USH2A: variants seen among roughly 807,000 people sequenced by gnomAD.
USH2A encodes Usher syndrome 2A (autosomal recessive, mild).
In USH2A, 443 loss-of-function variants were observed where a neutral mutation model predicts 538.9. That is an observed-to-expected ratio of 0.82 (90% CI 0.76 to 0.89). The LOEUF is 0.89. USH2A is among the 40% of genes least tolerant of loss of function. The pLI is 0.00. For synonymous variants in USH2A, 2,413 were observed against 2,273.5 expected, an observed-to-expected ratio of 1.06 and a Z score of -1.75; for missense variants, 6,633 against 6,324.8, an observed-to-expected ratio of 1.05 and a Z score of -1.65.
At chr1:216,178,786 T>C (rs1056004442) in intron 20 of USH2A, among the ~76,000 whole-genome samples, 8 of 152,258 alleles carry the variant, frequency 5.3e-5, no homozygotes, top group African/African-American at 9.6e-5. Context: ...AATAAGACTA[T>C]TGAGCACTTG....
intron 41 of USH2A, among the ~76,000 whole-genome samples, chr1:215,884,956 G>A (rs1246482725): frequency 6.6e-6 from 1 of 152,110 alleles, no homozygotes; most frequent in Non-Finnish European, 1.5e-5. Flanking sequence ...TGCTTCACCT[G>A]TGAAAAAGTG....
Position 215,993,105 on chromosome 1 carries a change from T to C in USH2A, c.6720A>G (p.Ile2240Met). 6.2e-7 allele frequency: 1 copy of C among 1,614,020 alleles called. No homozygotes were observed. Among genetic ancestry groups the C allele is most frequent in the Non-Finnish European group, 8.5e-7 (1 of 1,179,982 alleles). The change falls in exon 35 of 72, where the codon ATA becomes ATG. Residue 2240 changes from isoleucine to methionine, a missense_variant. Coordinates refer to ENST00000307340, the MANE Select transcript of USH2A (RefSeq NM_206933.4). ...EASEALTDEDIPEGVPAPKAH... is the reference protein window; with the variant it reads ...EASEALTDEDMPEGVPAPKAH... ...CTTTGGGGGCTGGCACGCCTTCGGG[T>C]ATGTCCTCGTCAGTTAGGGCCTCAC... is the stretch of plus-strand genomic sequence containing the variant.
chr1:215,993,348 A>T (rs1668050582), intron 34 of USH2A, among the ~76,000 whole-genome samples, 181 bp from the exon 35 acceptor site: 1 of 152,220 alleles, frequency 6.6e-6, no homozygotes, highest in Admixed American at 6.5e-5. Context: ...TTTTTAAGAC[A>T]TAAGATAGCC....
intron 4 of USH2A, among the ~76,000 whole-genome samples, chr1:216,329,201 A>C (rs11803923): frequency 0.28 from 41,937 of 152,144 alleles, 6,093 homozygotes; most frequent in African/African-American, 0.37. Context: ...AATCTTTAGA[A>C]GATTTCCAAC....
chr1:215,888,369 G>C (rs536323970), intron 41 of USH2A, 57 bp downstream of exon 41: 1 of 1,606,942 alleles, frequency 6.2e-7, no homozygotes, highest in Admixed American at 1.7e-5. Flanking sequence ...TCAACACAGA[G>C]TCAATCCAGG....
At chr1:216,294,391 G>A (rs1182719818) in intron 9 of USH2A, among the ~76,000 whole-genome samples, 3 of 151,796 alleles carry the variant, frequency 2.0e-5, no homozygotes, top group African/African-American at 4.8e-5. Flanking sequence ...ATATACATGG[G>A]TATTGTGTTA....
intron 50 of USH2A, among the ~76,000 whole-genome samples, chr1:215,790,775 T>G (rs1661959991): frequency 6.6e-6 from 1 of 152,232 alleles, no homozygotes; most frequent in Admixed American, 6.5e-5. Context: ...AAGTTTTGGC[T>G]TAGCTTTATT....
At chr1:215,960,876 T>C (rs1350363803) in intron 37 of USH2A, among the ~76,000 whole-genome samples, 2 of 152,078 alleles carry the variant, frequency 1.3e-5, no homozygotes, top group South Asian at 4.1e-4. Flanking sequence ...CTGTTCCACT[T>C]GTCACACCAT....
chr1:216,255,921 T>C (rs1329434003), intron 11 of USH2A, among the ~76,000 whole-genome samples: 4 of 152,188 alleles, frequency 2.6e-5, no homozygotes, highest in Admixed American at 6.6e-5. Context: ...GGTACAGAAA[T>C]ATTAAGAATT....
chr1:216,407,944 G>A (rs1318971857), intron 3 of USH2A, among the ~76,000 whole-genome samples: 1 of 151,588 alleles, frequency 6.6e-6, no homozygotes, highest in Non-Finnish European at 1.5e-5. Flanking sequence ...AAAAATCAGT[G>A]GACATTGGAA....
chr1:215,912,639 C>T (rs1377874690), intron 38 of USH2A, among the ~76,000 whole-genome samples: 1 of 151,564 alleles, frequency 6.6e-6, no homozygotes, highest in Non-Finnish European at 1.5e-5. Context: ...GAGTTACGAA[C>T]ATTTCAATTA....
intron 35 of USH2A, among the ~76,000 whole-genome samples, chr1:215,978,435 T>C (rs1667672649): frequency 1.3e-5 from 2 of 152,160 alleles, no homozygotes; most frequent in Non-Finnish European, 2.9e-5. Flanking sequence ...CTGGTGAACA[T>C]GCTCTGGTTC....
chr1:215,904,083 A>C (rs1043793225), intron 38 of USH2A, among the ~76,000 whole-genome samples: 2 of 152,154 alleles, frequency 1.3e-5, no homozygotes, highest in African/African-American at 4.8e-5. Flanking sequence ...TGCAAAATGC[A>C]TACAATGTAT....
intron 23 of USH2A, 98 bp from the exon 24 acceptor site, chr1:216,086,918 C>T: frequency 2.2e-6 from 2 of 911,782 alleles, no homozygotes; most frequent in South Asian, 1.4e-5. Context: ...TGGGATACCA[C>T]TCTCTTGGTT....
At chr1:216,001,766 C>T (rs1419086459) in intron 32 of USH2A, among the ~76,000 whole-genome samples, 2 of 151,954 alleles carry the variant, frequency 1.3e-5, no homozygotes, top group Non-Finnish European at 2.9e-5. Flanking sequence ...CAAAAGTAAA[C>T]TGGGGAAAGA....
At chr1:216,131,499 G>A (rs2033375875) in intron 21 of USH2A, among the ~76,000 whole-genome samples, 1 of 152,004 alleles carries the variant, frequency 6.6e-6, no homozygotes. Flanking sequence ...TGAGAGATGA[G>A]AATCCAGTTT....
chr1:215,827,661 G>A (rs896193446), intron 47 of USH2A, among the ~76,000 whole-genome samples: 7 of 152,106 alleles, frequency 4.6e-5, no homozygotes. Context: ...ATTGCACTTA[G>A]TGTAGTCCAA....
intron 10 of USH2A, 54 bp downstream of exon 10, chr1:216,292,116 CATTGT>C: frequency 2.6e-6 from 4 of 1,520,868 alleles, no homozygotes; most frequent in Non-Finnish European, 3.6e-6. Context: ...AAATAATATG[CATTGT>C]AGATAGAAGC....
rs539157079 is a variant in USH2A, at chr1:216,369,820, G to A, written c.652-4735C>T. Among the ~76,000 whole-genome samples, 8 of 151,608 alleles carry A rather than the reference G, an allele frequency of 5.3e-5. No individual in the cohort carries two copies. In the East Asian group the frequency reaches 1.6e-3, roughly 30 times the overall value. Reference sequence around the variant, plus strand: ...CACCTGTAGTCCCAGCTACTCGGGAGGCTGAGGCGGGAGAATCTTTTGAAC... The same window carrying A: ...CACCTGTAGTCCCAGCTACTCGGGAAGCTGAGGCGGGAGAATCTTTTGAAC... On this transcript the variant is annotated intron_variant, in intron 3 of 71. Transcript: ENST00000307340.
Sources: gnomAD v4.1 joint callset for allele counts (sites outside exome capture counted in the v4.1 genomes callset) on GRCh38, gnomAD v4.1.1 for gene constraint, MANE v1.5 for transcripts, NCBI Gene and HGNC (gene_info 2026-07-23, HGNC 2026-07-21) for gene names.